Variants in MEGF11 observed in about 807,000 individuals in gnomAD.
MEGF11 encodes the protein multiple epidermal growth factor-like domains protein 11.
MEGF11 carries 126 observed loss-of-function variants against 146.6 expected under a neutral mutation model. The observed-to-expected ratio is 0.86, with a 90% confidence interval of 0.74 to 1.00. The LOEUF is 1.00. MEGF11 is among the 50% of genes least tolerant of loss of function. MEGF11 has a pLI of 0.00. For synonymous variants in MEGF11, 532 were observed against 583.4 expected (o/e 0.91, Z 1.27); for missense variants, 1,509 against 1,521.2 (o/e 0.99, Z 0.13).
chr15:65,961,157 T>G (rs1047321790), intron 9 of MEGF11, among the ~76,000 whole-genome samples: 1 of 152,192 alleles, frequency 6.6e-6, no homozygotes, highest in African/African-American at 2.4e-5. Context: ...ACAGCCCCTC[T>G]CCCAGGCATC....
intron 5 of MEGF11, among the ~76,000 whole-genome samples, chr15:66,052,167 A>T (rs563228161): frequency 1.3e-5 from 2 of 152,334 alleles, no homozygotes; most frequent in South Asian, 4.1e-4. Flanking sequence ...CTTCTTAATC[A>T]GAGCAAAGTA....
At chr15:66,130,528 T>C (rs1781113050) in intron 1 of MEGF11, among the ~76,000 whole-genome samples, 1 of 151,812 alleles carries the variant, frequency 6.6e-6, no homozygotes, top group African/African-American at 2.4e-5. Context: ...TTTTGACCCA[T>C]GTGATGGGAG....
At chr15:66,048,530 C>T (rs931612246) in intron 5 of MEGF11, among the ~76,000 whole-genome samples, 3 of 152,246 alleles carry the variant, frequency 2.0e-5, no homozygotes, top group Non-Finnish European at 4.4e-5. Context: ...GCCACCCTGA[C>T]TCCCTGCCCA....
intron 1 of MEGF11, among the ~76,000 whole-genome samples, chr15:66,176,809 G>C (rs4451901): frequency 0.24 from 37,014 of 152,212 alleles, 4,894 homozygotes; most frequent in South Asian, 0.36. Context: ...CCACAGGATA[G>C]GGGTTCTGTC....
At chr15:66,141,308 G>GAA (rs762646790) in intron 1 of MEGF11, among the ~76,000 whole-genome samples, 2,794 of 147,986 alleles carry the variant, frequency 0.019, 69 homozygotes, top group Middle Eastern at 0.028. Flanking sequence ...GAGAGAGAGA[G>GAA]ACAGGGATAG....
At chr15:66,184,460 T>A (rs1468467484) in intron 1 of MEGF11, among the ~76,000 whole-genome samples, 1 of 151,724 alleles carries the variant, frequency 6.6e-6, no homozygotes, top group Non-Finnish European at 1.5e-5. Flanking sequence ...CCATTCCCCA[T>A]CCATTCTCCA....
At chr15:66,191,791 C>T (rs1165406277) in intron 1 of MEGF11, among the ~76,000 whole-genome samples, 2 of 152,178 alleles carry the variant, frequency 1.3e-5, no homozygotes, top group Admixed American at 6.5e-5. Context: ...AAAAGACCTA[C>T]TAGGCGGGGC....
At chr15:66,135,993 C>T (rs2088870044) in intron 1 of MEGF11, among the ~76,000 whole-genome samples, 1 of 152,164 alleles carries the variant, frequency 6.6e-6, no homozygotes, top group Non-Finnish European at 1.5e-5. Flanking sequence ...CCCTGCCCTT[C>T]CCCTCCTCAT....
rs914218443 is a variant in MEGF11 at position 65,972,676 on chromosome 15, A to G, written c.763-1987T>C. Among the ~76,000 whole-genome samples, 12 of 152,334 alleles carry G rather than the reference A, an allele frequency of 7.9e-5. No homozygotes were observed. The East Asian group carries it at 2.3e-3, about 29-fold the overall frequency. ...TGCCTTAAAAATCCAGAGGAAAAAA[A>G]TAATTTCCAACTTAGAATTCTACAC... is the stretch of plus-strand genomic sequence containing the variant. On this transcript the variant is annotated intron_variant, in intron 7 of 25. Coordinates refer to ENST00000395614, the MANE Select transcript of MEGF11 (RefSeq NM_001385028.1).
intron 1 of MEGF11, among the ~76,000 whole-genome samples, chr15:66,236,306 G>C (rs765967428): frequency 6.6e-6 from 1 of 152,178 alleles, no homozygotes; most frequent in Non-Finnish European, 1.5e-5. Flanking sequence ...CTGTGCTAAT[G>C]AGTTTTGACT....
intron 5 of MEGF11, among the ~76,000 whole-genome samples, chr15:66,078,741 C>T (rs932267399): frequency 3.9e-5 from 6 of 152,130 alleles, no homozygotes; most frequent in Non-Finnish European, 7.4e-5. Context: ...GTTGCCAGCA[C>T]GTGCGACAAC....
chr15:66,212,828 G>T (rs2091496948), intron 1 of MEGF11, among the ~76,000 whole-genome samples: 1 of 152,222 alleles, frequency 6.6e-6, no homozygotes, highest in Admixed American at 6.5e-5. Flanking sequence ...CAGCAGTTGG[G>T]ACTCAAGTTG....
At chr15:66,066,905 C>G (rs57996841) in intron 5 of MEGF11, among the ~76,000 whole-genome samples, 4,254 of 152,288 alleles carry the variant, frequency 0.028, 211 homozygotes, top group African/African-American at 0.096. Flanking sequence ...AGGAGAGGCA[C>G]CATCTGCCTG....
intron 1 of MEGF11, among the ~76,000 whole-genome samples, chr15:66,144,660 G>A (rs1246082843): frequency 6.6e-6 from 1 of 152,190 alleles, no homozygotes; most frequent in African/African-American, 2.4e-5. Context: ...ACAGGGCAGA[G>A]AGGTTCATAG....
chr15:65,917,841 C>G, intron 16 of MEGF11, 125 bp downstream of exon 16: 1 of 1,132,598 alleles, frequency 8.8e-7, no homozygotes, highest in Non-Finnish European at 1.3e-6. Flanking sequence ...GGGCTCATTC[C>G]TACATGCAGA....
At chr15:66,071,815 C>T (rs1159561236) in intron 5 of MEGF11, among the ~76,000 whole-genome samples, 1 of 152,214 alleles carries the variant, frequency 6.6e-6, no homozygotes, top group African/African-American at 2.4e-5. Context: ...GCCCATAGTT[C>T]TTTTGCTGAT....
At chr15:66,211,486 T>C (rs1039593720) in intron 1 of MEGF11, among the ~76,000 whole-genome samples, 9 of 145,428 alleles carry the variant, frequency 6.2e-5, no homozygotes, top group African/African-American at 5.2e-5. Flanking sequence ...ATGGCACCAC[T>C]GCACTCCAGC....
intron 1 of MEGF11, among the ~76,000 whole-genome samples, chr15:66,174,883 T>A (rs2090353122): frequency 2.0e-5 from 3 of 152,218 alleles, no homozygotes. Flanking sequence ...ATTTCTTTCA[T>A]CAGTGTTTTA....
rs759481608 is a variant in MEGF11, at chr15:65,957,694, G to C, written c.1140C>G (p.Thr380=). 5 of 1,613,724 alleles carry C rather than the reference G, an allele frequency of 3.1e-6. No homozygotes were observed. Among genetic ancestry groups the C allele is most frequent in the Non-Finnish European group, 4.2e-6 (5 of 1,179,890 alleles). The change falls in exon 10 of 26, where the codon ACC becomes ACG. Residue 380 remains threonine (T), a synonymous_variant. Transcript: ENST00000395614. ...ISCHPVTGAC[T]CQPGWSGHHC... is the part of the protein sequence containing the mutation. ...GGTGACCAGACCAGCCTGGCTGGCA[G>C]GTACAAGCTCCAGTTACTGGGTGGC...
Sources: gnomAD v4.1 joint callset for allele counts (sites outside exome capture counted in the v4.1 genomes callset) on GRCh38, gnomAD v4.1.1 for gene constraint, MANE v1.5 for transcripts, NCBI Gene and HGNC (gene_info 2026-07-23, HGNC 2026-07-21) for gene names.